The following CNTN4 variants were observed in gnomAD, a reference collection of about 807,000 sequenced individuals.
The protein encoded by CNTN4 is contactin 4.
Under a neutral mutation model 122.5 loss-of-function variants are expected in CNTN4, and 77 were observed. The observed-to-expected ratio is 0.63, with a 90% CI of 0.52 to 0.76. CNTN4 has a LOEUF of 0.76. CNTN4 is among the 30% of genes least tolerant of loss of function. The pLI is 0.00. For synonymous variants in CNTN4, 512 were observed against 447.0 expected (o/e 1.15, Z -1.83); for missense variants, 1,256 against 1,259.1 (o/e 1.00, Z 0.04).
chr3:2,176,440 T>C (rs894918613), intron 2 of CNTN4, among the ~76,000 whole-genome samples: 1 of 152,166 alleles, frequency 6.6e-6, no homozygotes, highest in African/African-American at 2.4e-5. Context: ...TATATTATTA[T>C]GTATATTAGG....
chr3:2,457,112 C>T (rs998594101), intron 3 of CNTN4, among the ~76,000 whole-genome samples: 21 of 152,066 alleles, frequency 1.4e-4, no homozygotes, highest in African/African-American at 2.9e-4. Context: ...TCTTTTGTTG[C>T]GTCAGCTTCA....
At chr3:2,409,470 A>C (rs1392569460) in intron 3 of CNTN4, among the ~76,000 whole-genome samples, 1 of 151,974 alleles carries the variant, frequency 6.6e-6, no homozygotes, top group African/African-American at 2.4e-5. Context: ...GAGGGTCTCG[A>C]ATTCCTGACC....
At chr3:2,259,650 C>G (rs12632584) in intron 2 of CNTN4, among the ~76,000 whole-genome samples, 2 of 151,932 alleles carry the variant, frequency 1.3e-5, no homozygotes, top group Non-Finnish European at 2.9e-5. Flanking sequence ...ATAAAACCAT[C>G]AGATCTCATG....
At chr3:2,782,176 G>A (rs1389126559) in intron 6 of CNTN4, among the ~76,000 whole-genome samples, 1 of 151,898 alleles carries the variant, frequency 6.6e-6, no homozygotes, top group Non-Finnish European at 1.5e-5. Flanking sequence ...TGGCGGAGAG[G>A]TATAAAGAGT....
At chr3:2,127,411 A>G (rs2034228213) in intron 2 of CNTN4, among the ~76,000 whole-genome samples, 1 of 152,128 alleles carries the variant, frequency 6.6e-6, no homozygotes, top group Non-Finnish European at 1.5e-5. Context: ...GGGAGGGAGG[A>G]TGGAATAACA....
At chr3:2,851,526 A>G (rs1004953219) in intron 7 of CNTN4, among the ~76,000 whole-genome samples, 28 of 152,344 alleles carry the variant, frequency 1.8e-4, no homozygotes, top group African/African-American at 6.0e-4. Context: ...CCAGTTAGGA[A>G]GGACTCTGTA....
At chr3:2,797,389 GGAGTTC>G (rs2092219851) in intron 6 of CNTN4, among the ~76,000 whole-genome samples, 1 of 152,178 alleles carries the variant, frequency 6.6e-6, no homozygotes, top group Non-Finnish European at 1.5e-5. Context: ...ACCTAGGTCA[GGAGTTC>G]GAGACCAACC....
chr3:2,778,726 T>A (rs1305708392), intron 6 of CNTN4, among the ~76,000 whole-genome samples: 1 of 152,198 alleles, frequency 6.6e-6, no homozygotes, highest in Non-Finnish European at 1.5e-5. Context: ...TTCAGTGGGT[T>A]CAGCATAATG....
chr3:2,228,757 C>G (rs2039379989), intron 2 of CNTN4, among the ~76,000 whole-genome samples: 1 of 152,030 alleles, frequency 6.6e-6, no homozygotes, highest in Non-Finnish European at 1.5e-5. Flanking sequence ...AGAGTTTAGA[C>G]TTATTTAAAA....
At chr3:2,121,936 T>C (rs556305298) in intron 2 of CNTN4, among the ~76,000 whole-genome samples, 8 of 152,098 alleles carry the variant, frequency 5.3e-5, no homozygotes, top group Admixed American at 1.3e-4. Context: ...GAGGCCGAGG[T>C]GGGCGGATCA....
At chr3:2,138,390 G>A (rs1248810156) in intron 2 of CNTN4, among the ~76,000 whole-genome samples, 2 of 152,066 alleles carry the variant, frequency 1.3e-5, no homozygotes, top group Non-Finnish European at 2.9e-5. Context: ...CTTATAGTGG[G>A]GGGTATCTAA....
intron 9 of CNTN4, among the ~76,000 whole-genome samples, chr3:2,884,761 CGTT>C (rs1395885544): frequency 1.3e-5 from 2 of 152,154 alleles, no homozygotes; most frequent in African/African-American, 4.8e-5. Context: ...GCAGAATTCA[CGTT>C]GTTCACACTT....
intron 2 of CNTN4, among the ~76,000 whole-genome samples, chr3:2,103,498 T>C (rs540564553): frequency 1.3e-5 from 2 of 152,306 alleles, no homozygotes; most frequent in African/African-American, 4.8e-5. Flanking sequence ...CCTCTGAAGA[T>C]TCTATTGTGG....
chr3:2,767,511 CTGAG>C (rs1352051821), intron 6 of CNTN4, among the ~76,000 whole-genome samples: 6 of 152,260 alleles, frequency 3.9e-5, no homozygotes, highest in East Asian at 1.9e-4. Context: ...ATTACCTTTA[CTGAG>C]TGAGTGGGCT....
intron 2 of CNTN4, among the ~76,000 whole-genome samples, chr3:2,204,576 C>T (rs1217530878): frequency 1.3e-5 from 2 of 152,122 alleles, no homozygotes; most frequent in Non-Finnish European, 2.9e-5. Flanking sequence ...AACCTTTAAA[C>T]AACTATTGTT....
At chr3:2,119,516 A>G (rs574344377) in intron 2 of CNTN4, among the ~76,000 whole-genome samples, 3 of 152,314 alleles carry the variant, frequency 2.0e-5, no homozygotes, top group South Asian at 4.1e-4. Context: ...CTCCAACACT[A>G]TTGATGTTTC....
chr3:2,400,500 T>C lies in CNTN4; in HGVS notation c.-89+61267T>C, dbSNP rs114226839. On this transcript the variant is annotated intron_variant, in intron 3 of 24. Coordinates refer to ENST00000418658, the MANE Select transcript of CNTN4 (RefSeq NM_175607.3). ...TTTATTACAAGATATTGGAATCACA[T>C]GCTTACCATCCACCCTTCCTCCTGC... is the stretch of plus-strand genomic sequence containing the variant. Among the ~76,000 whole-genome samples the C allele has an allele frequency of 6.5e-3, 948 of 145,796 alleles. 9 individuals carry two copies. The highest frequency in any genetic ancestry group is 0.023 in the African/African-American group (907 of 40,254).
At chr3:3,042,028 G>T (rs1700207629) in intron 20 of CNTN4, among the ~76,000 whole-genome samples, 1 of 152,174 alleles carries the variant, frequency 6.6e-6, no homozygotes, top group Non-Finnish European at 1.5e-5. Flanking sequence ...AATTAAGAAG[G>T]ATCTGTGTTA....
intron 3 of CNTN4, among the ~76,000 whole-genome samples, chr3:2,528,684 A>T (rs1301696804): frequency 6.6e-6 from 1 of 152,050 alleles, no homozygotes; most frequent in Non-Finnish European, 1.5e-5. Flanking sequence ...ACTGAAACAA[A>T]TTTTTTCAAT....
Sources: gnomAD v4.1 joint callset for allele counts (sites outside exome capture counted in the v4.1 genomes callset) on GRCh38, gnomAD v4.1.1 for gene constraint, MANE v1.5 for transcripts, NCBI Gene and HGNC (gene_info 2026-07-23, HGNC 2026-07-21) for gene names.